Variants in LIPA observed in about 807,000 individuals in gnomAD.
LIPA encodes lipase A, lysosomal acid type, also known as lysosomal acid lipase/cholesteryl ester hydrolase.
LIPA carries 26 observed loss-of-function variants against 40.6 expected under a neutral mutation model. The observed-to-expected ratio is 0.64, with a 90% confidence interval of 0.47 to 0.89. The LOEUF is 0.89. LIPA is among the 40% of genes least tolerant of loss of function. The pLI is 0.00. For missense variants in LIPA, 455 were observed against 479.6 expected, an observed-to-expected ratio of 0.95 and a Z score of 0.48; for synonymous variants, 188 against 168.4, an observed-to-expected ratio of 1.12 and a Z score of -0.90.
chr10:89,236,090 T>A (rs1842901353), intron 3 of LIPA, among the ~76,000 whole-genome samples: 1 of 152,182 alleles, frequency 6.6e-6, no homozygotes, highest in African/African-American at 2.4e-5. Context: ...GTTAAGTATG[T>A]CATGAATGCA....
intron 2 of LIPA, chr10:89,384,982 T>A (rs1363429421): frequency 4.3e-6 from 2 of 462,134 alleles, no homozygotes; most frequent in African/African-American, 3.9e-5. Context: ...CCTGATGGAA[T>A]GGTAAAGCAA....
At chr10:89,386,962 TGTGTGTGTGTGAGA>T (rs1032180384) in intron 2 of LIPA, among the ~76,000 whole-genome samples, 13 of 79,994 alleles carry the variant, frequency 1.6e-4, no homozygotes, top group African/African-American at 5.2e-4. Flanking sequence ...TGTGTGTGTG[TGTGTGTGTGTGAGA>T]GAGAGAGAGA....
chr10:89,332,388 C>A, intron 1 of LIPA: 1 of 986,678 alleles, frequency 1.0e-6, no homozygotes, highest in Non-Finnish European at 1.4e-6. Flanking sequence ...CCAAATCTGT[C>A]TGGAACATGT....
chr10:89,363,631 G>A (rs1419772436), intron 2 of LIPA: 1 of 152,268 alleles, frequency 6.6e-6, no homozygotes, highest in Non-Finnish European at 1.5e-5. Context: ...CAAAAAATTA[G>A]CCAGGTGTGG....
intron 6 of LIPA, among the ~76,000 whole-genome samples, chr10:89,224,818 C>T (rs1036174876): frequency 1.2e-4 from 18 of 152,350 alleles, no homozygotes; most frequent in Middle Eastern, 3.4e-3. Flanking sequence ...ATTATTTTCT[C>T]CCAGACTCTC....
intron 2 of LIPA, among the ~76,000 whole-genome samples, chr10:89,407,860 C>T (rs1302418924): frequency 6.6e-6 from 1 of 151,730 alleles, no homozygotes; most frequent in Non-Finnish European, 1.5e-5. Flanking sequence ...CCACTAAATC[C>T]AACCTTCCTC....
At chr10:89,318,793 A>C (rs553899285) in intron 1 of LIPA, among the ~76,000 whole-genome samples, 1 of 152,320 alleles carries the variant, frequency 6.6e-6, no homozygotes, top group South Asian at 2.1e-4. Context: ...CTTATTCCAA[A>C]ACTGACCACA....
intron 1 of LIPA, chr10:89,277,925 C>T (rs1205020366): frequency 6.6e-6 from 1 of 152,154 alleles, no homozygotes; most frequent in Non-Finnish European, 1.5e-5. Flanking sequence ...GTGTTTCGTG[C>T]TCACTTACCT....
chr10:89,337,389 T>A (rs1036659568), intron 1 of LIPA, among the ~76,000 whole-genome samples: 20 of 152,300 alleles, frequency 1.3e-4, no homozygotes, highest in Admixed American at 3.3e-4. Flanking sequence ...TGGTATTTTT[T>A]AATTTTTATT....
At position 89,220,375 on chromosome 10, in the gene LIPA, A is replaced by C. The variant is rs144831511; in HGVS notation, c.894+2136T>G. Among the ~76,000 whole-genome samples the C allele has an allele frequency of 5.8e-4, 88 of 152,282 alleles. No individual in the cohort carries two copies. In the East Asian group the frequency reaches 0.015, roughly 27 times the overall value. Reference sequence around the variant, plus strand: ...TGGGCCTTTTAGGAAAATGTCCATTAGGTAAGAGGTCCTAGGCATCCTCAA... The same window carrying C: ...TGGGCCTTTTAGGAAAATGTCCATTCGGTAAGAGGTCCTAGGCATCCTCAA... On this transcript the variant is annotated intron_variant, in intron 8 of 9. Coordinates refer to ENST00000336233, the MANE Select transcript of LIPA (RefSeq NM_000235.4).
chr10:89,358,747 T>A (rs866164002), intron 2 of LIPA, among the ~76,000 whole-genome samples: 2 of 151,348 alleles, frequency 1.3e-5, no homozygotes. Context: ...ACATAGAGAG[T>A]GGAATGTTGG....
intron 2 of LIPA, among the ~76,000 whole-genome samples, chr10:89,379,578 G>C (rs1014525174): frequency 6.6e-6 from 1 of 152,160 alleles, no homozygotes; most frequent in Non-Finnish European, 1.5e-5. Context: ...CAGTCAGTGG[G>C]AGAGGAAGAA....
intron 1 of LIPA, chr10:89,338,901 G>T (rs749945253): frequency 1.3e-5 from 21 of 1,614,048 alleles, no homozygotes; most frequent in Non-Finnish European, 1.8e-5. Flanking sequence ...AGTTAATCCA[G>T]CAAGAACATG....
intron 1 of LIPA, among the ~76,000 whole-genome samples, chr10:89,297,158 T>C (rs1242863944): frequency 6.6e-6 from 1 of 152,132 alleles, no homozygotes; most frequent in African/African-American, 2.4e-5. Flanking sequence ...TTGGCCAGGA[T>C]AACAGAGGGC....
chr10:89,221,348 C>T (rs977599140), intron 8 of LIPA, among the ~76,000 whole-genome samples: 7 of 151,878 alleles, frequency 4.6e-5, no homozygotes, highest in Middle Eastern at 3.4e-3. Flanking sequence ...AGTGAGAGTC[C>T]ATCTCAAAAA....
intron 1 of LIPA, among the ~76,000 whole-genome samples, chr10:89,320,833 G>C (rs577404425): frequency 6.6e-6 from 1 of 152,274 alleles, no homozygotes; most frequent in African/African-American, 2.4e-5. Flanking sequence ...CAAGGCTACA[G>C]TAACCAAAAC....
intron 4 of LIPA, 119 bp downstream of exon 4, chr10:89,228,081 A>G: frequency 1.2e-6 from 1 of 829,514 alleles, no homozygotes; most frequent in Non-Finnish European, 2.1e-6. Context: ...AAAAGACACT[A>G]ACTTCCCCTC....
intron 1 of LIPA, among the ~76,000 whole-genome samples, chr10:89,277,581 G>A (rs541404253): frequency 3.9e-4 from 59 of 152,274 alleles, no homozygotes; most frequent in Non-Finnish European, 7.3e-4. Flanking sequence ...AAAGATAAAT[G>A]GATGGCTAGA....
intron 3 of LIPA, among the ~76,000 whole-genome samples, chr10:89,233,285 CACTGCAAAGGGT>C (rs992763378): frequency 6.6e-6 from 1 of 152,168 alleles, no homozygotes; most frequent in Non-Finnish European, 1.5e-5. Context: ...CTGGGCCAAG[CACTGCAAAGGGT>C]ACTGCAGACC....
Sources: gnomAD v4.1 joint callset for allele counts (sites outside exome capture counted in the v4.1 genomes callset) on GRCh38, gnomAD v4.1.1 for gene constraint, MANE v1.5 for transcripts, NCBI Gene and HGNC (gene_info 2026-07-23, HGNC 2026-07-21) for gene names.